EPHA6: variants seen among roughly 807,000 people sequenced by gnomAD.
EPHA6 encodes EPH receptor A6.
In EPHA6, 50 loss-of-function variants were observed where a neutral mutation model predicts 112.0. The ratio of observed to expected loss-of-function variants is 0.45; its 90% CI spans 0.36 to 0.56. The LOEUF is 0.56. EPHA6 is among the 20% of genes least tolerant of loss of function. The pLI is 0.00. For missense variants in EPHA6, 1,280 were observed against 1,417.4 expected, an observed-to-expected ratio of 0.90 and a Z score of 1.56; for synonymous variants, 529 against 490.7, an observed-to-expected ratio of 1.08 and a Z score of -1.03.
intron 4 of EPHA6, among the ~76,000 whole-genome samples, chr3:97,228,687 TGC>T (rs1302594341): frequency 6.6e-6 from 1 of 152,166 alleles, no homozygotes; most frequent in African/African-American, 2.4e-5. Flanking sequence ...TAAACATGCA[TGC>T]GCAAGTGTCA....
At chr3:97,028,849 G>A (rs1425190833) in intron 3 of EPHA6, among the ~76,000 whole-genome samples, 2 of 150,940 alleles carry the variant, frequency 1.3e-5, no homozygotes, top group African/African-American at 2.5e-5. Context: ...GATAATTTTT[G>A]TTTAATTCTT....
chr3:97,301,018 C>T (rs565253105), intron 5 of EPHA6, among the ~76,000 whole-genome samples: 6 of 152,170 alleles, frequency 3.9e-5, no homozygotes, highest in African/African-American at 1.2e-4. Context: ...GATCAATGCC[C>T]GTGAGTGAAA....
At chr3:96,908,594 T>C (rs575622892) in intron 2 of EPHA6, among the ~76,000 whole-genome samples, 1 of 152,072 alleles carries the variant, frequency 6.6e-6, no homozygotes, top group South Asian at 2.1e-4. Context: ...TTCCATTTTA[T>C]CTTCCAGGAT....
chr3:97,578,330 G>A (rs1380335826), intron 11 of EPHA6, among the ~76,000 whole-genome samples: 5 of 151,840 alleles, frequency 3.3e-5, no homozygotes, highest in Non-Finnish European at 7.4e-5. Context: ...CAGGATGGTT[G>A]TGTAAGTTGC....
intron 3 of EPHA6, among the ~76,000 whole-genome samples, chr3:97,058,115 T>C (rs1348529338): frequency 6.6e-6 from 1 of 152,166 alleles, no homozygotes; most frequent in East Asian, 1.9e-4. Context: ...AATTTAACTA[T>C]GTCATTATAA....
intron 2 of EPHA6, among the ~76,000 whole-genome samples, chr3:96,963,025 G>A (rs1205372479): frequency 6.6e-6 from 1 of 151,970 alleles, no homozygotes; most frequent in Non-Finnish European, 1.5e-5. Flanking sequence ...ATAGTGGCAT[G>A]TGCCTGTAGT....
chr3:97,239,858 A>T (rs968165925), intron 4 of EPHA6, among the ~76,000 whole-genome samples: 1 of 151,920 alleles, frequency 6.6e-6, no homozygotes, highest in African/African-American at 2.4e-5. Context: ...TCAAGGGTCA[A>T]CTGTACATTT....
chr3:97,266,408 T>C (rs2079685181), intron 5 of EPHA6, among the ~76,000 whole-genome samples: 1 of 152,178 alleles, frequency 6.6e-6, no homozygotes, highest in East Asian at 1.9e-4. Context: ...TTAAATGTAA[T>C]GGTGACAAGT....
intron 5 of EPHA6, among the ~76,000 whole-genome samples, chr3:97,298,935 T>C (rs2080981748): frequency 6.6e-6 from 1 of 152,192 alleles, no homozygotes; most frequent in Non-Finnish European, 1.5e-5. Context: ...ATTCTAACTT[T>C]ATCAAATTCT....
intron 3 of EPHA6, among the ~76,000 whole-genome samples, chr3:97,002,430 C>T (rs1226735508): frequency 6.8e-5 from 10 of 148,006 alleles, no homozygotes; most frequent in African/African-American, 2.5e-4. Flanking sequence ...CAGAAATTCT[C>T]TTTCATCTAT....
At chr3:97,093,973 A>G (rs2047156734) in intron 3 of EPHA6, among the ~76,000 whole-genome samples, 1 of 152,082 alleles carries the variant, frequency 6.6e-6, no homozygotes, top group South Asian at 2.1e-4. Flanking sequence ...CGCTTCAGAT[A>G]CAGCGTGCAT....
At chr3:97,744,820 T>C (rs112515781) in intron 16 of EPHA6, among the ~76,000 whole-genome samples, 2 of 151,986 alleles carry the variant, frequency 1.3e-5, no homozygotes, top group East Asian at 1.9e-4. Context: ...CATCTGACTA[T>C]GTCGGTGCAT....
At position 97,556,919 on chromosome 3, in the gene EPHA6, C is replaced by A. The variant is rs561708522; in HGVS notation, c.2386+24376C>A. 2.6e-5 allele frequency among the ~76,000 whole-genome samples: 4 copies of A among 152,084 alleles called. No homozygotes were observed. In the East Asian group the frequency reaches 5.8e-4, roughly 22 times the overall value. On this transcript the variant is annotated intron_variant, in intron 11 of 17. Coordinates refer to ENST00000389672, the MANE Select transcript of EPHA6 (RefSeq NM_001080448.3). ...AATAATGGATATTATGGGGTGATAA[C>A]CTCTGCTAAAACTGTGTTATTTTCC...
chr3:97,627,969 C>A (rs886362983), intron 13 of EPHA6, among the ~76,000 whole-genome samples: 1 of 151,856 alleles, frequency 6.6e-6, no homozygotes, highest in South Asian at 2.1e-4. Flanking sequence ...TGAAATGAGG[C>A]CTAGTAGGCC....
At chr3:97,201,591 A>G (rs1304357104) in intron 3 of EPHA6, among the ~76,000 whole-genome samples, 1 of 152,136 alleles carries the variant, frequency 6.6e-6, no homozygotes, top group Non-Finnish European at 1.5e-5. Flanking sequence ...AATAATATTA[A>G]TGACTAGAAA....
chr3:97,521,615 A>G (rs143357465), intron 10 of EPHA6, among the ~76,000 whole-genome samples: 1 of 152,296 alleles, frequency 6.6e-6, no homozygotes, highest in Non-Finnish European at 1.5e-5. Flanking sequence ...CCATTATTCA[A>G]TTACCTCCCA....
intron 13 of EPHA6, among the ~76,000 whole-genome samples, chr3:97,614,973 G>A (rs904269503): frequency 6.6e-6 from 1 of 152,286 alleles, no homozygotes; most frequent in South Asian, 2.1e-4. Flanking sequence ...TGGGGACCAA[G>A]ATGGCTGACT....
chr3:97,734,078 A>G (rs1360252354), intron 15 of EPHA6, among the ~76,000 whole-genome samples: 1 of 152,074 alleles, frequency 6.6e-6, no homozygotes, highest in Non-Finnish European at 1.5e-5. Context: ...AAATGGAGAT[A>G]ATAATATCTA....
intron 5 of EPHA6, among the ~76,000 whole-genome samples, chr3:97,350,487 G>A (rs1004397110): frequency 1.3e-5 from 2 of 152,114 alleles, no homozygotes; most frequent in African/African-American, 4.8e-5. Context: ...ATTGTGGGAA[G>A]TCCACAATAA....
Sources: gnomAD v4.1 joint callset for allele counts (sites outside exome capture counted in the v4.1 genomes callset) on GRCh38, gnomAD v4.1.1 for gene constraint, MANE v1.5 for transcripts, NCBI Gene and HGNC (gene_info 2026-07-23, HGNC 2026-07-21) for gene names.